The following MCTP2 variants were observed in gnomAD, a reference collection of about 807,000 sequenced individuals.
MCTP2 encodes the protein multiple C2 and transmembrane domain containing 2.
Under a neutral mutation model 111.6 loss-of-function variants are expected in MCTP2, and 132 were observed. That is an observed-to-expected ratio of 1.18 (90% CI 1.03 to 1.37). The LOEUF is 1.37. Ranked by LOEUF, MCTP2 falls within the 40% of genes most tolerant of loss-of-function variation. The pLI, the probability that MCTP2 is intolerant of heterozygous loss-of-function variation, is 0.00. For missense variants in MCTP2, 1,183 were observed against 1,067.9 expected, an observed-to-expected ratio of 1.11 and a Z score of -1.50; for synonymous variants, 395 against 387.7, an observed-to-expected ratio of 1.02 and a Z score of -0.22.
chr15:94,301,833 CTTT>C (rs59217006), intron 2 of MCTP2, among the ~76,000 whole-genome samples: 4 of 129,156 alleles, frequency 3.1e-5, no homozygotes, highest in Admixed American at 7.8e-5. Context: ...ATCATTTCTG[CTTT>C]TTTTTTTTTT....
At chr15:94,236,788 C>A (rs189807717) in intron 1 of MCTP2, among the ~76,000 whole-genome samples, 4 of 152,234 alleles carry the variant, frequency 2.6e-5, no homozygotes, top group Admixed American at 2.6e-4. Context: ...AGAATAGATG[C>A]CCTCCCTCTG....
intron 4 of MCTP2, among the ~76,000 whole-genome samples, chr15:94,324,452 T>C (rs950125106): frequency 2.0e-5 from 3 of 152,232 alleles, no homozygotes; most frequent in African/African-American, 4.8e-5. Flanking sequence ...GAAAAGTTAA[T>C]GGAAGTTCGC....
intron 1 of MCTP2, among the ~76,000 whole-genome samples, chr15:94,232,833 A>G (rs2070282891): frequency 6.6e-6 from 1 of 152,226 alleles, no homozygotes; most frequent in Non-Finnish European, 1.5e-5. Flanking sequence ...TTCCAAAGCA[A>G]TAAAAATTGT....
chr15:94,376,094 A>T (rs62016131), intron 12 of MCTP2, among the ~76,000 whole-genome samples: 23,470 of 152,206 alleles, frequency 0.15, 2,353 homozygotes, highest in Non-Finnish European at 0.22. Flanking sequence ...CATGAGGTGT[A>T]GGAGGTGGTG....
At chr15:94,380,057 T>C (rs145513238) in intron 12 of MCTP2, among the ~76,000 whole-genome samples, 345 of 152,014 alleles carry the variant, frequency 2.3e-3, no homozygotes, top group Non-Finnish European at 3.6e-3. Context: ...AAGAAATCTT[T>C]CTGAACTTTT....
intron 3 of MCTP2, among the ~76,000 whole-genome samples, chr15:94,314,548 C>G (rs1405233197): frequency 6.6e-6 from 1 of 151,822 alleles, no homozygotes; most frequent in African/African-American, 2.4e-5. Flanking sequence ...GGGATAGATT[C>G]TTCTAAAAAT....
chr15:94,469,513 A>C (rs1321105495), intron 20 of MCTP2, among the ~76,000 whole-genome samples: 1 of 152,216 alleles, frequency 6.6e-6, no homozygotes, highest in Non-Finnish European at 1.5e-5. Flanking sequence ...TCTGGTGTAA[A>C]CAAGTCTGGA....
At chr15:94,282,095 G>A (rs965509186) in intron 1 of MCTP2, among the ~76,000 whole-genome samples, 1 of 152,104 alleles carries the variant, frequency 6.6e-6, no homozygotes, top group East Asian at 1.9e-4. Flanking sequence ...CTTTAGTGAG[G>A]TCTGGGAATT....
intron 20 of MCTP2, among the ~76,000 whole-genome samples, chr15:94,467,057 A>G (rs12898395): frequency 0.25 from 38,371 of 152,042 alleles, 5,572 homozygotes; most frequent in Middle Eastern, 0.38. Context: ...TATGCCATAT[A>G]TCTTTATAAA....
chr15:94,288,516 G>A (rs1178069667), intron 1 of MCTP2, among the ~76,000 whole-genome samples: 2 of 152,254 alleles, frequency 1.3e-5, no homozygotes, highest in Non-Finnish European at 2.9e-5. Flanking sequence ...ATAGCCAACA[G>A]AAGGTGGGCT....
At chr15:94,385,550 A>G in intron 14 of MCTP2, 25 bp downstream of exon 14, 2 of 1,472,754 alleles carry the variant, frequency 1.4e-6, no homozygotes, top group Non-Finnish European at 1.9e-6. Context: ...TTAATAAACA[A>G]TTTGTGAGTC....
intron 8 of MCTP2, among the ~76,000 whole-genome samples, chr15:94,347,280 G>A (rs954490954): frequency 2.0e-5 from 3 of 151,888 alleles, no homozygotes; most frequent in African/African-American, 7.3e-5. Flanking sequence ...AAATTATCAG[G>A]TTCTATTTTA....
intron 14 of MCTP2, among the ~76,000 whole-genome samples, chr15:94,392,238 G>A (rs372712588): frequency 6.6e-6 from 1 of 151,992 alleles, no homozygotes; most frequent in East Asian, 1.9e-4. Context: ...CGGGTGTGGA[G>A]GCAGGTGCCT....
chr15:94,435,883 G>A (rs1277717474), intron 17 of MCTP2, among the ~76,000 whole-genome samples: 2 of 151,528 alleles, frequency 1.3e-5, no homozygotes, highest in Admixed American at 6.6e-5. Flanking sequence ...CGCCCGCCTC[G>A]GCCTCCCAAA....
intron 1 of MCTP2, among the ~76,000 whole-genome samples, chr15:94,273,222 A>C (rs148812963): frequency 6.6e-6 from 1 of 152,336 alleles, no homozygotes; most frequent in Non-Finnish European, 1.5e-5. Flanking sequence ...GATCTAAACA[A>C]CACAGCCAAA....
At chr15:94,429,125 C>G (rs1295085023) in intron 17 of MCTP2, among the ~76,000 whole-genome samples, 5 of 151,502 alleles carry the variant, frequency 3.3e-5, no homozygotes, top group Non-Finnish European at 5.9e-5. Flanking sequence ...CCCTCTATAT[C>G]TATCCCCCTA....
At chr15:94,318,504 A>T (rs1399098987) in intron 4 of MCTP2, among the ~76,000 whole-genome samples, 1 of 152,008 alleles carries the variant, frequency 6.6e-6, no homozygotes, top group Admixed American at 6.6e-5. Context: ...CAAACTCCTG[A>T]CCTTGTGATC....
At chr15:94,476,589 A>G (rs998649952) in intron 21 of MCTP2, 107 bp from the exon 22 acceptor site, 5 of 715,032 alleles carry the variant, frequency 7.0e-6, no homozygotes, top group Non-Finnish European at 9.5e-6. Context: ...TGCTAGATAG[A>G]TAGATGATTG....
At chr15:94,456,291 C>G (rs1050925378) in intron 19 of MCTP2, among the ~76,000 whole-genome samples, 1 of 152,180 alleles carries the variant, frequency 6.6e-6, no homozygotes, top group South Asian at 2.1e-4. Flanking sequence ...GCTTTCTTCA[C>G]AACCAGAACC....
Sources: allele counts gnomAD v4.1 joint callset (sites outside exome capture counted in the v4.1 genomes callset), GRCh38; gene constraint gnomAD v4.1.1; transcripts MANE v1.5; gene names NCBI Gene and HGNC (gene_info 2026-07-23, HGNC 2026-07-21).